PLCB2: variants seen among roughly 807,000 people sequenced by gnomAD.
The protein encoded by PLCB2 is 1-phosphatidylinositol 4,5-bisphosphate phosphodiesterase beta-2.
Under a neutral mutation model 141.7 loss-of-function variants are expected in PLCB2, and 115 were observed. That is an observed-to-expected ratio of 0.81 (90% CI 0.70 to 0.95). PLCB2 has a LOEUF of 0.95. PLCB2 is among the 40% of genes least tolerant of loss of function. PLCB2 has a pLI of 0.00. For synonymous variants in PLCB2, 603 were observed against 595.6 expected (o/e 1.01, Z -0.18); for missense variants, 1,403 against 1,541.1 (o/e 0.91, Z 1.50).
At position 40,292,068 on chromosome 15, in the gene PLCB2, G is replaced by A. The variant is rs1421395618; in HGVS notation, c.2522C>T (p.Pro841Leu). Residue 841 changes from proline (P) to leucine (L), a missense_variant, in exon 23 of 32, where the codon CCT (proline) becomes CTT (leucine). Physicochemically the swap from Pro to Leu is moderately conservative, Grantham distance 98. Around this residue, in one of 4 missense-constraint regions of PLCB2, gnomAD observed 975 missense variants for 1,141.1 expected, o/e 0.85. Coordinates refer to ENST00000260402, the MANE Select transcript of PLCB2 (RefSeq NM_004573.3). ...VKLKEAMGGL[P>L]EKPFPLASPV... ...AGCAGTGCAGGCAACACAGACCTCA[G>A]GCAGACCTCCCATGGCCTCCTTGAG... The A allele has an allele frequency of 3.1e-6, 5 of 1,613,634 alleles. No individual in the cohort carries two copies. In the African/African-American group the frequency reaches 5.3e-5, roughly 17 times the overall value.
At chr15:40,298,091 G>T in intron 11 of PLCB2, 132 bp from the exon 12 acceptor site, 1 of 1,196,628 alleles carries the variant, frequency 8.4e-7, no homozygotes, top group Non-Finnish European at 1.2e-6. Flanking sequence ...CCCAATCCCT[G>T]CTGGTCCCCA....
chr15:40,301,068 G>A (rs1301719685), intron 7 of PLCB2: 1 of 157,660 alleles, frequency 6.3e-6, no homozygotes, highest in Non-Finnish European at 1.4e-5. Flanking sequence ...GGAGCCGCAG[G>A]AGCCCATTCC....
rs1478719137 is a variant in PLCB2 at position 40,296,605 on chromosome 15, C to G, written c.1516G>C (p.Glu506Gln). The G allele has an allele frequency of 1.2e-6, 2 of 1,613,276 alleles. No individual in the cohort carries two copies. The highest frequency in any genetic ancestry group is 1.7e-5 in the Admixed American group (1 of 59,890). The change falls in exon 15 of 32, where the codon GAG becomes CAG. Residue 506 changes from glutamate (E) to glutamine (Q), a missense_variant. By Grantham distance (29) the Glu-to-Gln change is conservative (BLOSUM62 2). Around this residue, in one of 4 missense-constraint regions of PLCB2, gnomAD observed 975 missense variants for 1,141.1 expected, o/e 0.85. Coordinates refer to ENST00000260402, the MANE Select transcript of PLCB2 (RefSeq NM_004573.3). ...TCTTCCTCTTCCACCTCCTCCTCCT[C>G]CAGCTCAGTCCCTTCCTCGCCAGCC... Reference protein sequence around the residue: ...VWAGEEGTELEEEEVEEEEEE... With the variant: ...VWAGEEGTELQEEEVEEEEEE...
intron 19 of PLCB2, 54 bp from the exon 20 acceptor site, chr15:40,293,778 C>A: frequency 6.3e-7 from 1 of 1,583,150 alleles, no homozygotes; most frequent in Non-Finnish European, 8.6e-7. Context: ...AGGCTCTTCC[C>A]CAAGCATCTG....
chr15:40,288,209 C>G lies in PLCB2; in HGVS notation c.*506G>C. On this transcript the variant is annotated 3_prime_UTR_variant, in exon 32 of 32. Coordinates refer to ENST00000260402, the MANE Select transcript of PLCB2 (RefSeq NM_004573.3). ...GCCCTCAGCCAGGGAGTGGCCGTCC[C>G]CAGGGAGCTGTGAGGTAGTGCCAGG... The G allele has an allele frequency of 1.0e-6, 1 of 985,852 alleles. No individual in the cohort carries two copies. The highest frequency in any genetic ancestry group is 1.7e-5 in the African/African-American group (1 of 57,368). 61.1% of individuals were successfully genotyped at this position (985,852 alleles called of 1,614,324 possible). A position where few individuals can be genotyped will look rare whatever the true frequency, so the allele number is the denominator to read the frequency against.
At position 40,304,095 on chromosome 15, in the gene PLCB2, C is replaced by A. The variant is rs1408813898; in HGVS notation, c.85-17G>T. ...TGTAGTTTCCTGCAGAGAGAAGGAG[C>A]CAGCACTCTGTTCCAAGACCTCAGG... On this transcript the variant is annotated splice_polypyrimidine_tract_variant and intron_variant, in intron 1 of 31. Coordinates refer to ENST00000260402, the MANE Select transcript of PLCB2 (RefSeq NM_004573.3). 6.4e-7 allele frequency: 1 copy of A among 1,568,762 alleles called. No homozygotes were observed. Among genetic ancestry groups the A allele is most frequent in the Non-Finnish European group, 8.7e-7 (1 of 1,151,574 alleles).
intron 6 of PLCB2, 47 bp from the exon 7 acceptor site, chr15:40,302,079 G>C: frequency 6.2e-7 from 1 of 1,613,458 alleles, no homozygotes; most frequent in Non-Finnish European, 8.5e-7. Context: ...AGTCAGGCCT[G>C]AGAAAGAAAG....
chr15:40,291,551 GC>G, intron 25 of PLCB2, 54 bp downstream of exon 25: 1 of 1,609,392 alleles, frequency 6.2e-7, no homozygotes. Flanking sequence ...CCCCCAAGGA[GC>G]CCCGGACCCG....
chr15:40,288,683 T>G lies in PLCB2; in HGVS notation c.*32A>C. The stretch of plus-strand genomic sequence containing the variant: ...CACATCCCAGAGAAGGGGCTGAACC[T>G]CCTTGCTAAATGTCCCAGTGGGATG... On this transcript the variant is annotated 3_prime_UTR_variant, in exon 32 of 32. Transcript: ENST00000260402. 3 of 1,540,342 alleles carry G rather than the reference T, an allele frequency of 1.9e-6. No homozygotes were observed. Among genetic ancestry groups the G allele is most frequent in the Non-Finnish European group, 2.6e-6 (3 of 1,138,790 alleles).
At position 40,292,235 on chromosome 15, in the gene PLCB2, C is replaced by G. The variant is rs1399900837; in HGVS notation, c.2432-77G>C. On this transcript the variant is annotated intron_variant, in intron 22 of 31. Coordinates refer to ENST00000260402, the MANE Select transcript of PLCB2 (RefSeq NM_004573.3). Reference sequence around the variant, plus strand: ...GAAGTCTCCCCTGTCCTCACCCACTCCAGGATGCCCCATCTGGATCCCACC... The same window carrying G: ...GAAGTCTCCCCTGTCCTCACCCACTGCAGGATGCCCCATCTGGATCCCACC... The G allele has an allele frequency of 2.7e-6, 4 of 1,493,882 alleles. No individual in the cohort carries two copies. In the African/African-American group the frequency reaches 5.5e-5, roughly 21 times the overall value. 92.5% of individuals were successfully genotyped at this position (1,493,882 alleles called of 1,614,324 possible). A position where few individuals can be genotyped will look rare whatever the true frequency, so the allele number is the denominator to read the frequency against.
intron 7 of PLCB2, 171 bp downstream of exon 7, chr15:40,301,786 C>T (rs2040522752): frequency 5.7e-6 from 4 of 702,952 alleles, no homozygotes; most frequent in Non-Finnish European, 7.8e-6. Flanking sequence ...GCCCTGGCTC[C>T]ACCCCTGTGC....
In PLCB2 at chr15:40,296,855, G is replaced by A. The variant is rs2040249092; in HGVS notation, c.1377C>T (p.Leu459=). Residue 459 remains leucine (L), a synonymous_variant, in exon 14 of 32, where the codon CTC becomes CTT. Coordinates refer to ENST00000260402, the MANE Select transcript of PLCB2 (RefSeq NM_004573.3). ...PSPEDLRGKI[L]IKNKKNQFSG... ...AAAACTGGTTCTTCTTGTTCTTGATGAGGATCTTGCCCCTGAGATCCTCAG... is the reference window on the plus strand; with the variant it reads ...AAAACTGGTTCTTCTTGTTCTTGATAAGGATCTTGCCCCTGAGATCCTCAG... 1 of 1,614,024 alleles carries A rather than the reference G, an allele frequency of 6.2e-7. No individual in the cohort carries two copies. The highest frequency in any genetic ancestry group is 1.7e-5 in the Admixed American group (1 of 60,002).
chr15:40,289,094 G>A (rs1344352669), intron 31 of PLCB2, 176 bp from the exon 32 acceptor site: 34 of 1,080,226 alleles, frequency 3.1e-5, no homozygotes, highest in Admixed American at 5.4e-5. Context: ...CAGGAAAGGG[G>A]ATCCTAACCA....
chr15:40,307,712 A>C lies in PLCB2; in HGVS notation c.-40T>G. ...CTCTTTGCAGAATCTCAGCAGACACAGGCAGGCAGAAGGGCAGGAAGGAGG... is the reference window on the plus strand; with the variant it reads ...CTCTTTGCAGAATCTCAGCAGACACCGGCAGGCAGAAGGGCAGGAAGGAGG... On this transcript the variant is annotated 5_prime_UTR_variant, in exon 1 of 32. Coordinates refer to ENST00000260402, the MANE Select transcript of PLCB2 (RefSeq NM_004573.3). 2 of 1,529,044 alleles carry C rather than the reference A, an allele frequency of 1.3e-6. No homozygotes were observed. Among genetic ancestry groups the C allele is most frequent in the South Asian group, 2.5e-5 (2 of 80,086 alleles). 94.7% of individuals were successfully genotyped at this position (1,529,044 alleles called of 1,614,324 possible). A position where few individuals can be genotyped will look rare whatever the true frequency, so the allele number is the denominator to read the frequency against.
Position 40,295,246 on chromosome 15 carries a change from A to G in PLCB2, c.1736T>C (p.Leu579Pro). Residue 579 changes from leucine to proline, a missense_variant, in exon 17 of 32, where the codon CTC (leucine) becomes CCC (proline). Physicochemically the swap from Leu to Pro is moderately conservative, Grantham distance 98 (BLOSUM62 -3). This residue lies in a region of PLCB2 where 975 missense variants were observed against 1,141.1 expected (regional missense o/e 0.85). Transcript: ENST00000260402. Reference protein sequence around the residue: ...RSYVISSFTELKAYDLLSKAS... With the variant: ...RSYVISSFTEPKAYDLLSKAS... ...CTTGGAGAGCAGGTCATATGCCTTG[A>G]GCTCTGTGAAGGACGAGATGACATA... 1 of 1,613,880 alleles carries G rather than the reference A, an allele frequency of 6.2e-7. No individual in the cohort carries two copies. Among genetic ancestry groups the G allele is most frequent in the Non-Finnish European group, 8.5e-7 (1 of 1,179,816 alleles).
In PLCB2 at chr15:40,293,546, G is replaced by A; in HGVS notation, c.2226+14C>T. On this transcript the variant is annotated intron_variant, in intron 20 of 31. Coordinates refer to ENST00000260402, the MANE Select transcript of PLCB2 (RefSeq NM_004573.3). ...AACTAGACAGACTCTGCCCTGCCAT[G>A]CCCTGGCCCCCACCTTCTCAAAGAC... 1 of 1,612,032 alleles carries A rather than the reference G, an allele frequency of 6.2e-7. No homozygotes were observed. Among genetic ancestry groups the A allele is most frequent in the Non-Finnish European group, 8.5e-7 (1 of 1,178,296 alleles).
In PLCB2 at chr15:40,291,880, C is replaced by CAGT. The variant is rs1445438815; in HGVS notation, c.2570_2571insACT (p.Gly857_Ala858insLeu). 1.2e-6 allele frequency: 2 copies of CAGT among 1,614,058 alleles called. No individual in the cohort carries two copies. The highest frequency in any genetic ancestry group is 1.3e-5 in the African/African-American group (1 of 74,936). Reference sequence around the variant, plus strand: ...ACCCATTGCTCGTTGGGGCCAACGCCCCATTGACCTGGCTGGCAACTGGAC... The same window carrying CAGT: ...ACCCATTGCTCGTTGGGGCCAACGCCAGTCCATTGACCTGGCTGGCAACTGGAC... On this transcript the variant is annotated inframe_insertion, in exon 24 of 32. Transcript: ENST00000260402.
chr15:40,290,178 C>A, intron 29 of PLCB2, 96 bp from the exon 30 acceptor site: 2 of 825,274 alleles, frequency 2.4e-6, no homozygotes, highest in Non-Finnish European at 4.3e-6. Flanking sequence ...ATGAGAAATC[C>A]AACATAGGGC....
In PLCB2 at chr15:40,297,840, T is replaced by C; in HGVS notation, c.1238+37A>G. ...CAGTTGCAGACAGGAGACTGGGGGC[T>C]GGGTGAGAATGTGGCTGAATGGGCC... On this transcript the variant is annotated intron_variant, in intron 12 of 31. Transcript: ENST00000260402. The surrounding 1 kb of genome is among the most constrained non-coding windows in gnomAD (Gnocchi z 4.2). The C allele has an allele frequency of 6.6e-7, 1 of 1,515,928 alleles. No homozygotes were observed. The highest frequency in any genetic ancestry group is 1.4e-5 in the African/African-American group (1 of 72,686). 93.9% of individuals were successfully genotyped at this position (1,515,928 alleles called of 1,614,324 possible). A position where few individuals can be genotyped will look rare whatever the true frequency, so the allele number is the denominator to read the frequency against.
Sources: gnomAD v4.1 joint callset for allele counts on GRCh38, gnomAD v4.1.1 for gene constraint, gnomAD v4.1.1 regional missense constraint, Gnocchi (gnomAD v3.1) non-coding constraint, MANE v1.5 for transcripts, NCBI Gene and HGNC (gene_info 2026-07-23, HGNC 2026-07-21) for gene names.